FIGN: variants seen among roughly 807,000 people sequenced by gnomAD.
FIGN encodes the protein fidgetin, microtubule severing factor.
A neutral mutation model predicts 51.3 loss-of-function variants in FIGN; 11 were observed. That is an observed-to-expected ratio of 0.21 (90% CI 0.13 to 0.35). FIGN has a LOEUF of 0.35. Among genes scored for constraint, FIGN ranks in the 10% least tolerant of loss-of-function variants. The probability of loss-of-function intolerance (pLI) is 1.00; values close to 1 mark genes in which losing one functional copy is unlikely to be tolerated. For synonymous variants in FIGN, 407 were observed against 363.2 expected, an observed-to-expected ratio of 1.12 and a Z score of -1.37; for missense variants, 857 against 943.6, an observed-to-expected ratio of 0.91 and a Z score of 1.20.
chr2:163,659,613 G>A (rs951105048), intron 2 of FIGN, among the ~76,000 whole-genome samples: 1 of 152,174 alleles, frequency 6.6e-6, no homozygotes, highest in Admixed American at 6.5e-5. Flanking sequence ...CAAGTGGTCT[G>A]AAATATTTTG....
In FIGN at chr2:163,611,012, A is replaced by G. The variant is rs556976192; in HGVS notation, c.820T>C (p.Tyr274His). 17 of 1,613,850 alleles carry G rather than the reference A, an allele frequency of 1.1e-5. No homozygotes were observed. The highest frequency in any genetic ancestry group is 2.2e-5 in the East Asian group (1 of 44,856). The change falls in exon 3 of 3, where the codon TAC becomes CAC. Residue 274 changes from tyrosine (Y) to histidine (H), a missense_variant. Tyr to His is a moderately conservative substitution (Grantham distance 83). Transcript: ENST00000333129. ...GGAGCAGGAATTCCTGAAGGCAGGT[A>G]CGCTGAAGGCGGAGGCGGTGCCCCC... ...PGGAPPPPSA[Y>H]LPSGIPAPTP...
chr2:163,626,779 C>G (rs565887818), intron 2 of FIGN, among the ~76,000 whole-genome samples: 1 of 152,152 alleles, frequency 6.6e-6, no homozygotes, highest in East Asian at 1.9e-4. Context: ...TCATAAAGAC[C>G]TGGCTGATAA....
At chr2:163,670,958 T>G (rs1195718123) in intron 2 of FIGN, among the ~76,000 whole-genome samples, 1 of 152,216 alleles carries the variant, frequency 6.6e-6, no homozygotes, top group East Asian at 1.9e-4. Context: ...ACTGTTGGTT[T>G]GTTTTAGGAG....
intron 2 of FIGN, chr2:163,617,362 G>A (rs913870262): frequency 2.9e-6 from 1 of 347,040 alleles, no homozygotes; most frequent in Non-Finnish European, 4.1e-6. Context: ...ACAAAGCATT[G>A]TGGTTCAATG....
chr2:163,727,694 T>C (rs1242502551), intron 2 of FIGN, among the ~76,000 whole-genome samples: 1 of 152,230 alleles, frequency 6.6e-6, no homozygotes, highest in African/African-American at 2.4e-5. Context: ...AGCTCTTTGA[T>C]ATTTCCCTTC....
At chr2:163,611,990 A>T (rs372868068) in intron 2 of FIGN, among the ~76,000 whole-genome samples, 184 bp from the exon 3 acceptor site, 6 of 152,194 alleles carry the variant, frequency 3.9e-5, no homozygotes, top group African/African-American at 1.4e-4. Flanking sequence ...AATGGACTAA[A>T]CTTCAGCCCT....
chr2:163,677,990 A>G (rs1356378130), intron 2 of FIGN, among the ~76,000 whole-genome samples: 1 of 152,212 alleles, frequency 6.6e-6, no homozygotes, highest in Non-Finnish European at 1.5e-5. Flanking sequence ...AGAAAAGCTG[A>G]AAAGATAGTA....
rs369255185 is a variant in FIGN, at chr2:163,717,821, C to A, written c.25+17082G>T. On this transcript the variant is annotated intron_variant, in intron 2 of 2. Transcript: ENST00000333129. ...TGCTTGGTACTTATTCAAGACATTT[C>A]ATTAGAAGGTTATTCATTTAAAAAT... Among the ~76,000 whole-genome samples the A allele has an allele frequency of 9.2e-5, 14 of 152,264 alleles. 3 individuals carry two copies. The highest frequency in any genetic ancestry group is 6.5e-5 in the Admixed American group (1 of 15,292).
intron 2 of FIGN, among the ~76,000 whole-genome samples, chr2:163,679,419 C>T (rs1684023160): frequency 6.6e-6 from 1 of 151,740 alleles, no homozygotes; most frequent in Non-Finnish European, 1.5e-5. Context: ...TGGTGTGAAC[C>T]TGGGAGGCAG....
intron 2 of FIGN, among the ~76,000 whole-genome samples, chr2:163,662,518 C>T (rs181089389): frequency 1.5e-4 from 23 of 152,282 alleles, no homozygotes; most frequent in Middle Eastern, 3.4e-3. Context: ...CCCAAGACCA[C>T]GGGGAAAATG....
At chr2:163,696,962 C>T (rs986239621) in intron 2 of FIGN, among the ~76,000 whole-genome samples, 4 of 151,546 alleles carry the variant, frequency 2.6e-5, no homozygotes, top group Admixed American at 2.6e-4. Flanking sequence ...TGAGCCACAG[C>T]GCCCAGCCAT....
Position 163,609,731 on chromosome 2 carries a change from C to A in FIGN, c.2101G>T (p.Val701Leu), listed in dbSNP as rs765741703. The change falls in exon 3 of 3, where the codon GTG becomes TTG. Residue 701 changes from valine to leucine, a missense_variant. Val to Leu is a conservative substitution (Grantham distance 32). Transcript: ENST00000333129. ...GGCATGGCATGGAGGGGGCCCACCA[C>A]TGCTTCCTGACACAAATGAGCCACA... is the stretch of plus-strand genomic sequence containing the variant. ...LDVAHLCQEA[V>L]VGPLHAMPAT... The A allele has an allele frequency of 2.4e-5, 39 of 1,613,980 alleles. No homozygotes were observed. In the South Asian group the frequency reaches 4.0e-4, roughly 16 times the overall value.
At chr2:163,648,840 A>G (rs1683424908) in intron 2 of FIGN, among the ~76,000 whole-genome samples, 1 of 152,218 alleles carries the variant, frequency 6.6e-6, no homozygotes, top group Non-Finnish European at 1.5e-5. Flanking sequence ...TTTAGCTTGC[A>G]ATTCTATTTA....
intron 2 of FIGN, among the ~76,000 whole-genome samples, chr2:163,703,162 A>T (rs1051469957): frequency 1.3e-5 from 2 of 152,076 alleles, no homozygotes; most frequent in Non-Finnish European, 2.9e-5. Flanking sequence ...TTTCTAATAA[A>T]TGGAGGGAGA....
At chr2:163,723,266 A>G (rs890347625) in intron 2 of FIGN, among the ~76,000 whole-genome samples, 2 of 152,122 alleles carry the variant, frequency 1.3e-5, no homozygotes, top group Admixed American at 6.6e-5. Context: ...GCTTTTATCA[A>G]TTCAATTCAC....
At chr2:163,642,824 T>A (rs1028256553) in intron 2 of FIGN, among the ~76,000 whole-genome samples, 5 of 152,122 alleles carry the variant, frequency 3.3e-5, no homozygotes, top group Admixed American at 3.3e-4. Context: ...AGAATAAATC[T>A]TAAAAAATTC....
At chr2:163,708,230 C>T (rs2105354941) in intron 2 of FIGN, among the ~76,000 whole-genome samples, 1 of 152,204 alleles carries the variant, frequency 6.6e-6, no homozygotes, top group Admixed American at 6.6e-5. Flanking sequence ...TTCCTACTAT[C>T]AATAAGAATG....
chr2:163,644,827 C>T (rs1683358156), intron 2 of FIGN, among the ~76,000 whole-genome samples: 1 of 152,078 alleles, frequency 6.6e-6, no homozygotes, highest in South Asian at 2.1e-4. Flanking sequence ...GACAAAAATA[C>T]CCACATTATA....
At chr2:163,709,992 C>T (rs947925653) in intron 2 of FIGN, among the ~76,000 whole-genome samples, 1 of 152,032 alleles carries the variant, frequency 6.6e-6, no homozygotes, top group Non-Finnish European at 1.5e-5. Flanking sequence ...AAGAAATGTT[C>T]AATTAAAACT....
Sources: allele counts gnomAD v4.1 joint callset (sites outside exome capture counted in the v4.1 genomes callset), GRCh38; gene constraint gnomAD v4.1.1; transcripts MANE v1.5; gene names NCBI Gene and HGNC (gene_info 2026-07-23, HGNC 2026-07-21).